ALG9: variants seen among roughly 807,000 people sequenced by gnomAD.
The protein encoded by ALG9 is alpha-1,2-mannosyltransferase ALG9.
A neutral mutation model predicts 81.8 loss-of-function variants in ALG9; 55 were observed. The observed-to-expected ratio is 0.67, with a 90% CI of 0.54 to 0.84. The LOEUF (loss-of-function observed/expected upper bound fraction) is 0.84. Among genes scored for constraint, ALG9 ranks in the 40% least tolerant of loss-of-function variants. The pLI is 0.00. For missense variants in ALG9, 629 were observed against 745.0 expected (o/e 0.84, Z 1.81); for synonymous variants, 278 against 274.3 (o/e 1.01, Z -0.13).
chr11:111,793,605 C>T (rs1047923387), intron 14 of ALG9, among the ~76,000 whole-genome samples: 1 of 151,552 alleles, frequency 6.6e-6, no homozygotes, highest in South Asian at 2.1e-4. Context: ...ACTAAAAATA[C>T]AAAAAATTAG....
intron 13 of ALG9, among the ~76,000 whole-genome samples, chr11:111,815,525 C>T (rs1306129865): frequency 6.6e-6 from 1 of 152,308 alleles, no homozygotes; most frequent in East Asian, 1.9e-4. Context: ...AACTCAAACA[C>T]ACAAGGACAA....
the ALG9 span, among the ~76,000 whole-genome samples, chr11:111,774,253 G>T: frequency 1.3e-5 from 2 of 151,892 alleles, no homozygotes; most frequent in African/African-American, 4.8e-5. Flanking sequence ...GCGCATGCCT[G>T]TAATCCCAGC....
chr11:111,796,258 A>G (rs1475468171), intron 14 of ALG9, among the ~76,000 whole-genome samples: 1 of 152,246 alleles, frequency 6.6e-6, no homozygotes, highest in Non-Finnish European at 1.5e-5. Flanking sequence ...CTAAGACTCT[A>G]TAATGTGCTA....
chr11:111,804,447 T>G (rs1001549683), intron 14 of ALG9, among the ~76,000 whole-genome samples: 2 of 152,082 alleles, frequency 1.3e-5, no homozygotes, highest in Admixed American at 1.3e-4. Context: ...ACAATAAGAC[T>G]GGGTGTGGTG....
At chr11:111,836,456 G>A (rs1276407088) in intron 12 of ALG9, among the ~76,000 whole-genome samples, 162 bp from the exon 13 acceptor site, 4 of 152,196 alleles carry the variant, frequency 2.6e-5, no homozygotes, top group Non-Finnish European at 5.9e-5. Flanking sequence ...GAGGTCACAA[G>A]TCAGTCCAAA....
chr11:111,858,503 G>T (rs1190570042), intron 5 of ALG9, among the ~76,000 whole-genome samples: 1 of 152,170 alleles, frequency 6.6e-6, no homozygotes, highest in Non-Finnish European at 1.5e-5. Flanking sequence ...GCCTCCTCAA[G>T]GGCCAGATAT....
chr11:111,771,872 T>G, the ALG9 span, among the ~76,000 whole-genome samples: 1 of 152,244 alleles, frequency 6.6e-6, no homozygotes, highest in Admixed American at 6.5e-5. Context: ...TATTTTAGCC[T>G]TCTTTTTCTT....
the ALG9 span, chr11:111,768,568 T>C: frequency 6.6e-6 from 1 of 152,126 alleles, no homozygotes; most frequent in Non-Finnish European, 1.5e-5. Context: ...ATGACCATCC[T>C]AGACAACACA....
rs554805706 is a variant in ALG9, at chr11:111,827,401, G to A, written c.1602+8764C>T. ...TGAGGCAGGAGAATCACTTGAACCC[G>A]GTAGTGGGAGGTTGCAGTGGGTCGA... is the stretch of plus-strand genomic sequence containing the variant. On this transcript the variant is annotated intron_variant, in intron 13 of 14. Transcript: ENST00000616540. 2.6e-5 allele frequency among the ~76,000 whole-genome samples: 4 copies of A among 152,224 alleles called. No homozygotes were observed. The South Asian group carries it at 6.2e-4, about 24-fold the overall frequency.
intron 13 of ALG9, among the ~76,000 whole-genome samples, chr11:111,820,445 C>T (rs1427644119): frequency 6.6e-6 from 1 of 152,142 alleles, no homozygotes; most frequent in Non-Finnish European, 1.5e-5. Flanking sequence ...GGGATGAACT[C>T]ATTGTTTTAC....
chr11:111,776,328 G>A, the ALG9 span, among the ~76,000 whole-genome samples: 6 of 152,256 alleles, frequency 3.9e-5, no homozygotes, highest in African/African-American at 9.6e-5. Context: ...AGTGGTTCAC[G>A]CCTATAATCC....
chr11:111,845,006 C>T (rs1555127831), intron 8 of ALG9, among the ~76,000 whole-genome samples: 1 of 152,158 alleles, frequency 6.6e-6, no homozygotes, highest in African/African-American at 2.4e-5. Context: ...TTGCTATGCC[C>T]CAATGGAACT....
intron 14 of ALG9, 37 bp downstream of exon 14, chr11:111,809,606 T>A: frequency 6.2e-7 from 1 of 1,612,902 alleles, no homozygotes; most frequent in East Asian, 2.2e-5. Flanking sequence ...TTACCCATAC[T>A]AGTCCTGGAA....
At chr11:111,859,228 G>A (rs1319325611) in intron 5 of ALG9, among the ~76,000 whole-genome samples, 1 of 152,150 alleles carries the variant, frequency 6.6e-6, no homozygotes, top group Non-Finnish European at 1.5e-5. Flanking sequence ...AAGAGGCCAC[G>A]TGCGGTGGCT....
chr11:111,855,307 C>T (rs896155233), intron 6 of ALG9, among the ~76,000 whole-genome samples: 3 of 152,152 alleles, frequency 2.0e-5, no homozygotes, highest in Non-Finnish European at 2.9e-5. Context: ...GGCCAACCTC[C>T]ATGACATAAA....
At chr11:111,807,788 C>A (rs1180789728) in intron 14 of ALG9, among the ~76,000 whole-genome samples, 1 of 152,084 alleles carries the variant, frequency 6.6e-6, no homozygotes, top group Non-Finnish European at 1.5e-5. Flanking sequence ...GAGACCCCGT[C>A]TCAAAAAAAA....
At chr11:111,820,153 CT>C (rs1391893284) in intron 13 of ALG9, among the ~76,000 whole-genome samples, 2 of 152,018 alleles carry the variant, frequency 1.3e-5, no homozygotes, top group African/African-American at 4.8e-5. Flanking sequence ...AGATCCATGA[CT>C]GCATTCCTGC....
At chr11:111,800,948 G>A (rs767917651) in intron 14 of ALG9, among the ~76,000 whole-genome samples, 1 of 152,196 alleles carries the variant, frequency 6.6e-6, no homozygotes, top group African/African-American at 2.4e-5. Flanking sequence ...AAACATTTGA[G>A]AAATTAACCT....
chr11:111,813,101 A>C (rs1950983438), intron 13 of ALG9, among the ~76,000 whole-genome samples: 2 of 152,038 alleles, frequency 1.3e-5, no homozygotes, highest in Admixed American at 6.6e-5. Flanking sequence ...TTAGGGGAAA[A>C]ATGAAATTGA....
Sources: allele counts gnomAD v4.1 joint callset (sites outside exome capture counted in the v4.1 genomes callset), GRCh38; gene constraint gnomAD v4.1.1; transcripts MANE v1.5; gene names NCBI Gene and HGNC (gene_info 2026-07-23, HGNC 2026-07-21).